Variants in MIS18A observed in about 807,000 individuals in gnomAD.
MIS18A encodes the protein protein Mis18-alpha.
In MIS18A, 14 loss-of-function variants were observed where a neutral mutation model predicts 25.0. That is an observed-to-expected ratio of 0.56 (90% CI 0.37 to 0.88). The LOEUF (loss-of-function observed/expected upper bound fraction) is 0.88, where lower values mean the gene tolerates loss of function less well. Among genes scored for constraint, MIS18A ranks in the 40% least tolerant of loss-of-function variants. The probability of loss-of-function intolerance (pLI) is 0.00; values close to 1 mark genes in which losing one functional copy is unlikely to be tolerated. For missense variants in MIS18A, 292 were observed against 290.8 expected, an observed-to-expected ratio of 1.00 and a Z score of -0.03; for synonymous variants, 134 against 118.6, an observed-to-expected ratio of 1.13 and a Z score of -0.84.
chr21:32,206,366 A>G, the MIS18A span, among the ~76,000 whole-genome samples: 4 of 152,180 alleles, frequency 2.6e-5, no homozygotes, highest in African/African-American at 9.7e-5. Context: ...AGACTTCTAC[A>G]GTCTCTTTGT....
chr21:32,239,646 T>G, the MIS18A span, among the ~76,000 whole-genome samples: 7 of 152,186 alleles, frequency 4.6e-5, no homozygotes, highest in Non-Finnish European at 1.0e-4. Flanking sequence ...ATTCTTTGAC[T>G]GACTGTGAGC....
At chr21:32,256,255 G>T in the MIS18A span, among the ~76,000 whole-genome samples, 2 of 152,138 alleles carry the variant, frequency 1.3e-5, no homozygotes, top group African/African-American at 4.8e-5. Context: ...CCCTCAGAGA[G>T]TACCACTGCC....
the MIS18A span, among the ~76,000 whole-genome samples, chr21:32,159,908 G>A: frequency 6.6e-6 from 1 of 152,202 alleles, no homozygotes; most frequent in Non-Finnish European, 1.5e-5. Flanking sequence ...AGACTTTAGA[G>A]AGAGCAGGTG....
downstream of MIS18A, among the ~76,000 whole-genome samples, chr21:32,265,009 G>A (rs1436600336): frequency 3.3e-5 from 5 of 152,210 alleles, no homozygotes; most frequent in Admixed American, 3.3e-4. Flanking sequence ...ACCAGGTTCT[G>A]GAATCAGTTT....
Position 32,278,761 on chromosome 21 carries a change from C to T in MIS18A, c.254G>A (p.Cys85Tyr). The T allele has an allele frequency of 6.3e-7, 1 of 1,579,082 alleles. No individual in the cohort carries two copies. Among genetic ancestry groups the T allele is most frequent in the Non-Finnish European group, 8.6e-7 (1 of 1,168,286 alleles). Residue 85 changes from cysteine (C) to tyrosine (Y), a missense_variant, in exon 1 of 5, where the codon TGC (cysteine) becomes TAC (tyrosine). Physicochemically the swap from Cys to Tyr is radical, Grantham distance 194. Coordinates refer to ENST00000290130, the MANE Select transcript of MIS18A (RefSeq NM_018944.3). ...GCCCAGCGGCCGCCGGCAGCCGGAG[C>T]ACAGGAACACCAGCGGCCTCTCCTC... ...AAEERPLVFL[C>Y]SGCRRPLGDS... is the part of the protein sequence containing the mutation.
the MIS18A span, among the ~76,000 whole-genome samples, chr21:32,179,236 T>C: frequency 6.6e-6 from 1 of 152,268 alleles, no homozygotes; most frequent in African/African-American, 2.4e-5. Context: ...TCTCTAGACT[T>C]TCTCTTTCCC....
chr21:32,229,778 G>T, the MIS18A span, among the ~76,000 whole-genome samples: 1 of 152,140 alleles, frequency 6.6e-6, no homozygotes, highest in East Asian at 1.9e-4. Context: ...TTCTGTTTTA[G>T]AACTGATTTT....
downstream of MIS18A, among the ~76,000 whole-genome samples, chr21:32,267,935 C>A (rs2031634872): frequency 6.6e-6 from 1 of 152,168 alleles, no homozygotes; most frequent in Non-Finnish European, 1.5e-5. Context: ...ACAGAAGAAT[C>A]CTGCATGATC....
At chr21:32,215,609 G>A in the MIS18A span, among the ~76,000 whole-genome samples, 6 of 152,246 alleles carry the variant, frequency 3.9e-5, no homozygotes, top group South Asian at 1.2e-3. Flanking sequence ...TAGAGGACAA[G>A]CAGAGGCAGG....
At chr21:32,258,922 G>A in the MIS18A span, among the ~76,000 whole-genome samples, 5 of 151,740 alleles carry the variant, frequency 3.3e-5, no homozygotes, top group Middle Eastern at 3.4e-3. Flanking sequence ...TGCCCAGGAC[G>A]GAGTGCAGTG....
chr21:32,223,472 A>T, the MIS18A span, among the ~76,000 whole-genome samples: 12 of 152,346 alleles, frequency 7.9e-5, no homozygotes, highest in South Asian at 2.5e-3. Context: ...ACAGAAATAC[A>T]AACTACCATC....
the MIS18A span, among the ~76,000 whole-genome samples, chr21:32,245,733 G>A: frequency 6.6e-6 from 1 of 152,214 alleles, no homozygotes; most frequent in African/African-American, 2.4e-5. Context: ...TCTGGGGTAA[G>A]TGGCAGTTTT....
chr21:32,202,395 T>C, the MIS18A span, among the ~76,000 whole-genome samples: 3 of 152,318 alleles, frequency 2.0e-5, no homozygotes, highest in South Asian at 4.1e-4. Flanking sequence ...GATAAGAGTT[T>C]GAATTCATGA....
chr21:32,180,981 G>A, the MIS18A span, among the ~76,000 whole-genome samples: 2 of 152,256 alleles, frequency 1.3e-5, no homozygotes, highest in South Asian at 4.1e-4. Flanking sequence ...TTGGGCCATG[G>A]GATGCCCAGA....
chr21:32,268,789 T>G lies in MIS18A; in HGVS notation c.*248A>C. The G allele has an allele frequency of 6.3e-6, 2 of 316,648 alleles. No individual in the cohort carries two copies. The highest frequency in any genetic ancestry group is 1.2e-5 in the Non-Finnish European group (2 of 173,286). The allele number at this position is 316,648 out of a possible 1,614,324, so 19.6% of individuals were successfully genotyped here. Reference sequence around the variant, plus strand: ...TATAGCTATAGAAGTAATTCTACAATTTTGGGTTTTTTTTTTGAGAGAAGG... The same window carrying G: ...TATAGCTATAGAAGTAATTCTACAAGTTTGGGTTTTTTTTTTGAGAGAAGG... On this transcript the variant is annotated 3_prime_UTR_variant, in exon 5 of 5. Coordinates refer to ENST00000290130, the MANE Select transcript of MIS18A (RefSeq NM_018944.3).
At chr21:32,186,196 C>G in the MIS18A span, among the ~76,000 whole-genome samples, 2 of 152,230 alleles carry the variant, frequency 1.3e-5, no homozygotes, top group African/African-American at 4.8e-5. Context: ...GACAGTAACT[C>G]TACCTGACAG....
chr21:32,163,760 C>A, the MIS18A span, among the ~76,000 whole-genome samples: 1 of 152,140 alleles, frequency 6.6e-6, no homozygotes, highest in Admixed American at 6.5e-5. Flanking sequence ...CAGGACATTT[C>A]CAGATCAAAA....
chr21:32,274,686 A>C (rs1485247373), intron 2 of MIS18A, 144 bp downstream of exon 2: 1 of 642,460 alleles, frequency 1.6e-6, no homozygotes, highest in East Asian at 2.8e-5. Context: ...AAGCAAAAAA[A>C]AGAACTGATA....
the MIS18A span, among the ~76,000 whole-genome samples, chr21:32,221,765 C>A: frequency 1.3e-5 from 2 of 149,474 alleles, no homozygotes; most frequent in African/African-American, 4.9e-5. Flanking sequence ...TGGTGGAGGG[C>A]ACCTGTAATC....
Sources: allele counts gnomAD v4.1 joint callset (sites outside exome capture counted in the v4.1 genomes callset), GRCh38; gene constraint gnomAD v4.1.1; transcripts MANE v1.5; gene names NCBI Gene and HGNC (gene_info 2026-07-23, HGNC 2026-07-21).